The following PEX5L variants were observed in gnomAD, a reference collection of about 807,000 sequenced individuals.
PEX5L encodes peroxisomal biogenesis factor 5 like.
PEX5L carries 30 observed loss-of-function variants against 84.0 expected under a neutral mutation model. The observed-to-expected ratio is 0.36, with a 90% CI of 0.27 to 0.48. The LOEUF is 0.48. Among genes scored for constraint, PEX5L ranks in the 20% least tolerant of loss-of-function variants. PEX5L has a pLI of 0.99. For missense variants in PEX5L, 533 were observed against 754.6 expected (o/e 0.71, Z 3.44); for synonymous variants, 270 against 283.1 (o/e 0.95, Z 0.46).
At chr3:179,903,046 A>T (rs1008069177) in intron 2 of PEX5L, among the ~76,000 whole-genome samples, 8 of 152,200 alleles carry the variant, frequency 5.3e-5, no homozygotes, top group Non-Finnish European at 8.8e-5. Flanking sequence ...TAATATTTTC[A>T]TGAATTTTTT....
intron 8 of PEX5L, among the ~76,000 whole-genome samples, chr3:179,847,036 C>CCT (rs1438102553): frequency 3.4e-5 from 5 of 147,294 alleles, no homozygotes; most frequent in South Asian, 2.2e-4. Flanking sequence ...TCCCTGCCTC[C>CCT]CTCTCTCTCT....
intron 8 of PEX5L, among the ~76,000 whole-genome samples, chr3:179,850,557 T>C (rs1741427368): frequency 6.6e-6 from 1 of 152,234 alleles, no homozygotes; most frequent in Non-Finnish European, 1.5e-5. Context: ...GAAGAAAATC[T>C]AATCAATGTG....
intron 8 of PEX5L, among the ~76,000 whole-genome samples, chr3:179,825,657 C>T (rs1371501056): frequency 2.0e-5 from 3 of 151,980 alleles, no homozygotes; most frequent in Non-Finnish European, 4.4e-5. Flanking sequence ...TGGAGGAAAA[C>T]AGATGGGCTT....
intron 1 of PEX5L, among the ~76,000 whole-genome samples, chr3:180,019,702 A>G (rs1790261637): frequency 6.6e-6 from 1 of 152,212 alleles, no homozygotes; most frequent in South Asian, 2.1e-4. Flanking sequence ...AAAAGGAAAC[A>G]GAAATACTTC....
At chr3:179,911,762 G>A (rs13325663) in intron 2 of PEX5L, among the ~76,000 whole-genome samples, 4,502 of 152,180 alleles carry the variant, frequency 0.03, 253 homozygotes, top group African/African-American at 0.1. Context: ...CCAAGGTACC[G>A]TAAGATTGCT....
chr3:179,927,706 T>TA, intron 2 of PEX5L, among the ~76,000 whole-genome samples: 1 of 152,082 alleles, frequency 6.6e-6, no homozygotes. Context: ...AATTGGACAT[T>TA]AAAAAAACAA....
At chr3:179,939,071 C>A (rs908104791) in intron 2 of PEX5L, among the ~76,000 whole-genome samples, 3 of 152,248 alleles carry the variant, frequency 2.0e-5, no homozygotes, top group Admixed American at 1.3e-4. Context: ...CTCTGCCTCA[C>A]AAATTTATGC....
chr3:180,002,134 T>G (rs986179339), intron 1 of PEX5L, among the ~76,000 whole-genome samples: 1 of 152,146 alleles, frequency 6.6e-6, no homozygotes, highest in African/African-American at 2.4e-5. Flanking sequence ...CTCAACTTTT[T>G]AAAAAATACG....
intron 7 of PEX5L, 59 bp downstream of exon 7, chr3:179,874,268 T>C: frequency 1.0e-6 from 1 of 957,850 alleles, no homozygotes; most frequent in South Asian, 1.4e-5. Flanking sequence ...AAATAAAGCA[T>C]TTATGCTATA....
chr3:179,980,985 C>A (rs1266249461), intron 1 of PEX5L, among the ~76,000 whole-genome samples: 1 of 150,300 alleles, frequency 6.7e-6, no homozygotes, highest in African/African-American at 2.5e-5. Flanking sequence ...GATTGTACCA[C>A]TGTACTCTAG....
At chr3:179,947,260 G>A (rs1309770929) in intron 2 of PEX5L, among the ~76,000 whole-genome samples, 2 of 152,004 alleles carry the variant, frequency 1.3e-5, no homozygotes, top group African/African-American at 4.8e-5. Context: ...AAACTTAAAA[G>A]ATAGAAAGCA....
chr3:179,987,368 C>T (rs1447179266), intron 1 of PEX5L, among the ~76,000 whole-genome samples: 1 of 151,480 alleles, frequency 6.6e-6, no homozygotes, highest in African/African-American at 2.4e-5. Flanking sequence ...AACAACTAAA[C>T]AATCTTTCTA....
intron 2 of PEX5L, among the ~76,000 whole-genome samples, chr3:179,938,689 G>A (rs1428286558): frequency 6.6e-6 from 1 of 152,234 alleles, no homozygotes; most frequent in African/African-American, 2.4e-5. Flanking sequence ...ATGCCTCAAG[G>A]AGAGGATGTG....
intron 1 of PEX5L, among the ~76,000 whole-genome samples, chr3:179,992,969 A>C (rs1192025555): frequency 5.9e-5 from 9 of 152,206 alleles, no homozygotes; most frequent in African/African-American, 2.2e-4. Flanking sequence ...TAGGTGATGA[A>C]AATAAGATTT....
chr3:179,818,022 T>C (rs999373993), intron 9 of PEX5L, among the ~76,000 whole-genome samples: 1 of 152,190 alleles, frequency 6.6e-6, no homozygotes, highest in Admixed American at 6.5e-5. Context: ...GCCTGGCCCA[T>C]TGAGGGACAG....
chr3:179,854,228 C>T (rs543274525), intron 8 of PEX5L, among the ~76,000 whole-genome samples: 8 of 151,628 alleles, frequency 5.3e-5, no homozygotes, highest in Non-Finnish European at 1.0e-4. Flanking sequence ...AAGAGTTCAA[C>T]GTGAGCTTGA....
At chr3:179,986,791 C>T (rs1786895293) in intron 1 of PEX5L, among the ~76,000 whole-genome samples, 1 of 152,174 alleles carries the variant, frequency 6.6e-6, no homozygotes, top group Non-Finnish European at 1.5e-5. Context: ...TTTTCTGACA[C>T]TAAAGGTTAG....
At chr3:179,920,896 C>T (rs1769138248) in intron 2 of PEX5L, among the ~76,000 whole-genome samples, 3 of 152,050 alleles carry the variant, frequency 2.0e-5, no homozygotes. Context: ...AAAGGAAACA[C>T]AATGTATACA....
At chr3:179,886,875 T>C (rs149807091) in intron 4 of PEX5L, among the ~76,000 whole-genome samples, 1 of 152,362 alleles carries the variant, frequency 6.6e-6, no homozygotes, top group East Asian at 1.9e-4. Context: ...TCCTTTTCTT[T>C]TTCCATTAAA....
Sources: gnomAD v4.1 joint callset for allele counts (sites outside exome capture counted in the v4.1 genomes callset) on GRCh38, gnomAD v4.1.1 for gene constraint, MANE v1.5 for transcripts, NCBI Gene and HGNC (gene_info 2026-07-23, HGNC 2026-07-21) for gene names.